Variants in STAT1 observed in about 807,000 individuals in gnomAD.
STAT1 encodes the protein signal transducer and activator of transcription 1-alpha/beta.
Under a neutral mutation model 111.7 loss-of-function variants are expected in STAT1, and 24 were observed. The ratio of observed to expected loss-of-function variants is 0.21; its 90% CI spans 0.16 to 0.30. The LOEUF (loss-of-function observed/expected upper bound fraction) is 0.30, where lower values mean the gene tolerates loss of function less well. Ranked by LOEUF, STAT1 falls within the 10% of genes least tolerant of loss-of-function variation. The pLI is 1.00. For synonymous variants in STAT1, 332 were observed against 326.5 expected (o/e 1.02, Z -0.18); for missense variants, 351 against 911.9 (o/e 0.38, Z 7.92).
rs2280232 is a variant in STAT1 at position 190,986,040 on chromosome 2, C to A, written c.1222-380G>T. 0.74 allele frequency among the ~76,000 whole-genome samples: 112,030 copies of A among 152,034 alleles called. 41,462 individuals carry two copies. Among genetic ancestry groups the A allele is most frequent in the East Asian group, 0.83 (4,285 of 5,146 alleles). ...GCTGGGCCCAGTGACTCCAGGTCCA[C>A]CTGCCCTCAAGTGGACGTCAATCTC... On this transcript the variant is annotated intron_variant, in intron 14 of 24. Transcript: ENST00000361099. This position sits in a 1 kb window ranked among gnomAD's most constrained non-coding sequence, Gnocchi z 5.0.
chr2:190,980,312 C>T lies in STAT1; in HGVS notation c.1632+308G>A, dbSNP rs41413547. 1.3e-5 allele frequency among the ~76,000 whole-genome samples: 2 copies of T among 152,356 alleles called. No individual in the cohort carries two copies. The highest frequency in any genetic ancestry group is 2.9e-5 in the Non-Finnish European group (2 of 68,022). ...GCTGGTCAGGCTGCGCCACCCAGCC[C>T]ACAACATACATTTCACACAGAAATG... On this transcript the variant is annotated intron_variant, in intron 19 of 24. Coordinates refer to ENST00000361099, the MANE Select transcript of STAT1 (RefSeq NM_007315.4). The surrounding 1 kb of genome is among the most constrained non-coding windows in gnomAD (Gnocchi z 6.1).
At chr2:191,001,497 C>CTTAAAG (rs1694269723) in intron 5 of STAT1, among the ~76,000 whole-genome samples, 5 of 152,186 alleles carry the variant, frequency 3.3e-5, no homozygotes, top group African/African-American at 1.2e-4. Context: ...TTAACTCAGT[C>CTTAAAG]CTTATTTATC....
chr2:190,985,570 G>C (rs753445821), intron 15 of STAT1, 49 bp downstream of exon 15: 10 of 1,608,740 alleles, frequency 6.2e-6, no homozygotes, highest in Non-Finnish European at 8.5e-7. Flanking sequence ...GTCCTTGCTA[G>C]ACAGACCTGC....
rs1237453137 is a variant in STAT1, at chr2:191,007,857, A to G, written c.274-196T>C. ...ATGACAAAAATTGCTTTAACTTTCT[A>G]AGTGCAGGTACCTAACGTACTTTTT... On this transcript the variant is annotated intron_variant, in intron 4 of 24. Coordinates refer to ENST00000361099, the MANE Select transcript of STAT1 (RefSeq NM_007315.4). This position sits in a 1 kb window ranked among gnomAD's most constrained non-coding sequence, Gnocchi z 4.2. Among the ~76,000 whole-genome samples, 1 of 152,216 alleles carries G rather than the reference A, an allele frequency of 6.6e-6. No homozygotes were observed. Among genetic ancestry groups the G allele is most frequent in the Non-Finnish European group, 1.5e-5 (1 of 68,040 alleles).
intron 1 of STAT1, 77 bp from the exon 2 acceptor site, chr2:191,013,755 G>A (rs1695320614): frequency 5.0e-6 from 2 of 398,574 alleles, no homozygotes; most frequent in Admixed American, 4.4e-5. Context: ...AAGGTGCAGT[G>A]CCTTCTAGAG....
intron 5 of STAT1, among the ~76,000 whole-genome samples, chr2:191,001,583 A>G (rs1694274051): frequency 6.6e-6 from 1 of 152,210 alleles, no homozygotes; most frequent in South Asian, 2.1e-4. Flanking sequence ...GGAAAATCTC[A>G]AGGGCTAATA....
chr2:190,988,081 C>T lies in STAT1; in HGVS notation c.1098-1013G>A, dbSNP rs1389504668. Among the ~76,000 whole-genome samples the T allele has an allele frequency of 2.0e-5, 3 of 152,302 alleles. No individual in the cohort carries two copies. The East Asian group carries it at 5.8e-4, about 29-fold the overall frequency. ...GAAGTAGGATATACTTCCCCATCCC[C>T]CGAATCTCAGCTGGCCTTGATTTGC... On this transcript the variant is annotated intron_variant, in intron 12 of 24. Coordinates refer to ENST00000361099, the MANE Select transcript of STAT1 (RefSeq NM_007315.4).
chr2:191,001,819 G>T (rs948284051), intron 5 of STAT1, among the ~76,000 whole-genome samples: 4 of 152,140 alleles, frequency 2.6e-5, no homozygotes, highest in African/African-American at 9.7e-5. Context: ...GATGTACCCT[G>T]CACATACTAG....
Position 190,980,755 on chromosome 2 carries a change from A to C in STAT1, c.1583-86T>G. On this transcript the variant is annotated intron_variant, in intron 18 of 24. Coordinates refer to ENST00000361099, the MANE Select transcript of STAT1 (RefSeq NM_007315.4). This position sits in a 1 kb window ranked among gnomAD's most constrained non-coding sequence, Gnocchi z 6.1. ...ACGGATGGCTCTTGTATTTGCTCTCAAGGAAAAGAGCCAAACACCCAACAA... is the reference window on the plus strand; with the variant it reads ...ACGGATGGCTCTTGTATTTGCTCTCCAGGAAAAGAGCCAAACACCCAACAA... 2.8e-5 allele frequency: 38 copies of C among 1,368,270 alleles called. No homozygotes were observed. Among genetic ancestry groups the C allele is most frequent in the Non-Finnish European group, 3.5e-5 (34 of 962,540 alleles). The allele number at this position is 1,368,270 out of a possible 1,614,324, so 84.8% of individuals were successfully genotyped here. A position where few individuals can be genotyped will look rare whatever the true frequency, so the allele number is the denominator to read the frequency against.
rs764766380 is a variant in STAT1 at position 190,982,408 on chromosome 2, C to T, written c.1557G>A (p.Leu519=). ...VTKRGLNVDQ[L]NMLGEKLLGP... ...CAAGAAGCTTCTCTCCCAACATGTT[C>T]AGCTGGTCCACATTGAGACCTCTTT... The change falls in exon 18 of 25, where the codon CTG becomes CTA. Residue 519 remains leucine, a synonymous_variant. Coordinates refer to ENST00000361099, the MANE Select transcript of STAT1 (RefSeq NM_007315.4). The surrounding 1 kb of genome is among the most constrained non-coding windows in gnomAD (Gnocchi z 7.3). 3.1e-6 allele frequency: 5 copies of T among 1,614,052 alleles called. No individual in the cohort carries two copies. Among genetic ancestry groups the T allele is most frequent in the Non-Finnish European group, 4.2e-6 (5 of 1,180,030 alleles).
Position 190,990,406 on chromosome 2 carries a change from G to A in STAT1, c.1038-732C>T, listed in dbSNP as rs1693219669. Among the ~76,000 whole-genome samples the A allele has an allele frequency of 6.6e-6, 1 of 152,034 alleles. No homozygotes were observed. Among genetic ancestry groups the A allele is most frequent in the African/African-American group, 2.4e-5 (1 of 41,374 alleles). On this transcript the variant is annotated intron_variant, in intron 11 of 24. Coordinates refer to ENST00000361099, the MANE Select transcript of STAT1 (RefSeq NM_007315.4). This position sits in a 1 kb window ranked among gnomAD's most constrained non-coding sequence, Gnocchi z 5.1. ...AAAAAGGACCCGGGCCAACTATGAA[G>A]GCCAGTCCAGTTCTTCAGCGTCTAG...
At position 191,007,897 on chromosome 2, in the gene STAT1, T is replaced by C; in HGVS notation, c.274-236A>G. The C allele has an allele frequency of 1.8e-6, 1 of 560,506 alleles. No homozygotes were observed. Among genetic ancestry groups the C allele is most frequent in the Non-Finnish European group, 3.2e-6 (1 of 309,920 alleles). 34.7% of individuals were successfully genotyped at this position (560,506 alleles called of 1,614,324 possible). ...ACGTACTTTTTGATTTAAAAACAAG[T>C]ATTTTCACATATGGTTCACATAATA... On this transcript the variant is annotated intron_variant, in intron 4 of 24. Transcript: ENST00000361099. This position sits in a 1 kb window ranked among gnomAD's most constrained non-coding sequence, Gnocchi z 4.2.
At position 190,996,067 on chromosome 2, in the gene STAT1, A is replaced by G. The variant is rs1693833435; in HGVS notation, c.786-848T>C. Among the ~76,000 whole-genome samples, 1 of 152,142 alleles carries G rather than the reference A, an allele frequency of 6.6e-6. No individual in the cohort carries two copies. The highest frequency in any genetic ancestry group is 1.5e-5 in the Non-Finnish European group (1 of 68,008). ...GGGCAGGAGGAGAGACAGAGATGGG[A>G]GACAAGGCCGGGGACAGGAAGAGAG... On this transcript the variant is annotated intron_variant, in intron 9 of 24. Transcript: ENST00000361099. This position sits in a 1 kb window ranked among gnomAD's most constrained non-coding sequence, Gnocchi z 4.5.
Position 190,990,473 on chromosome 2 carries a change from CAATGGA to C in STAT1, c.1037+749_1037+754del, listed in dbSNP as rs1432089563. On this transcript the variant is annotated intron_variant, in intron 11 of 24. Coordinates refer to ENST00000361099, the MANE Select transcript of STAT1 (RefSeq NM_007315.4). This position sits in a 1 kb window ranked among gnomAD's most constrained non-coding sequence, Gnocchi z 5.1. Reference sequence around the variant, plus strand: ...GAATGCTTAAAGCAATGCAGCCATTCAATGGAAGAAAGTAAAGCCACATATTCCTGG... The same window carrying C: ...GAATGCTTAAAGCAATGCAGCCATTCAGAAAGTAAAGCCACATATTCCTGG... 6.6e-6 allele frequency among the ~76,000 whole-genome samples: 1 copy of C among 152,124 alleles called. No homozygotes were observed. The highest frequency in any genetic ancestry group is 1.5e-5 in the Non-Finnish European group (1 of 68,018).
chr2:190,978,991 C>A lies in STAT1; in HGVS notation c.1738G>T (p.Gly580Cys). 6.2e-7 allele frequency: 1 copy of A among 1,614,140 alleles called. No individual in the cohort carries two copies. Among genetic ancestry groups the A allele is most frequent in the Non-Finnish European group, 8.5e-7 (1 of 1,180,030 alleles). ...CGCTCTCGCTCCTTGCTGATGAAGC[C>A]CATGATGCACCTGGATATCGAAGAG... ...LPLWNDGCIM[G>C]FISKERERAL... is the part of the protein sequence containing the mutation. The change falls in exon 21 of 25, where the codon GGC (glycine) becomes TGC (cysteine). Residue 580 changes from glycine (G) to cysteine (C), a missense_variant. By Grantham distance (159) the Gly-to-Cys change is radical. Transcript: ENST00000361099. The surrounding 1 kb of genome is among the most constrained non-coding windows in gnomAD (Gnocchi z 6.1).
Position 190,978,649 on chromosome 2 carries a change from C to G in STAT1, c.1873+207G>C. 1.5e-6 allele frequency: 1 copy of G among 668,634 alleles called. No homozygotes were observed. The allele number at this position is 668,634 out of a possible 1,614,324, so 41.4% of individuals were successfully genotyped here. A position where few individuals can be genotyped will look rare whatever the true frequency, so the allele number is the denominator to read the frequency against. On this transcript the variant is annotated intron_variant, in intron 21 of 24. Transcript: ENST00000361099. The surrounding 1 kb of genome is among the most constrained non-coding windows in gnomAD (Gnocchi z 6.1). Reference sequence around the variant, plus strand: ...ATTGGCATTGTCTTTTCAAAACCATCATTTCCACAATATGTTCCAGAGAGT... The same window carrying G: ...ATTGGCATTGTCTTTTCAAAACCATGATTTCCACAATATGTTCCAGAGAGT...
chr2:191,013,872 A>C (rs1695332475), intron 1 of STAT1, 146 bp downstream of exon 1: 1 of 388,210 alleles, frequency 2.6e-6, no homozygotes, highest in Non-Finnish European at 4.5e-6. Flanking sequence ...TCGCACTTGG[A>C]ATACTCAGGA....
Position 190,979,701 on chromosome 2 carries a change from G to T in STAT1, c.1727+71C>A. On this transcript the variant is annotated intron_variant, in intron 20 of 24. Coordinates refer to ENST00000361099, the MANE Select transcript of STAT1 (RefSeq NM_007315.4). This position sits in a 1 kb window ranked among gnomAD's most constrained non-coding sequence, Gnocchi z 5.8. Reference sequence around the variant, plus strand: ...ACACGCCTAGTCAAATACTGAAGCTGGACTCAGGCCTTGTCTCAACCTCGC... The same window carrying T: ...ACACGCCTAGTCAAATACTGAAGCTTGACTCAGGCCTTGTCTCAACCTCGC... The T allele has an allele frequency of 8.2e-7, 1 of 1,221,510 alleles. No homozygotes were observed. Among genetic ancestry groups the T allele is most frequent in the South Asian group, 1.2e-5 (1 of 82,562 alleles). The allele number at this position is 1,221,510 out of a possible 1,614,324, so 75.7% of individuals were successfully genotyped here.
Position 190,975,776 on chromosome 2 carries a change from G to A in STAT1, c.2135+36C>T, listed in dbSNP as rs748181005. On this transcript the variant is annotated intron_variant, in intron 23 of 24. Transcript: ENST00000361099. This position sits in a 1 kb window ranked among gnomAD's most constrained non-coding sequence, Gnocchi z 5.9. ...CCAGCCAGGAGCAAGGCTGGCTTGA[G>A]GTTTGTAAACATGTCACTCTTCTGT... 1.2e-6 allele frequency: 2 copies of A among 1,613,732 alleles called. No individual in the cohort carries two copies. The highest frequency in any genetic ancestry group is 2.2e-5 in the East Asian group (1 of 44,842).
Sources: gnomAD v4.1 joint callset for allele counts (sites outside exome capture counted in the v4.1 genomes callset) on GRCh38, gnomAD v4.1.1 for gene constraint, Gnocchi (gnomAD v3.1) non-coding constraint, MANE v1.5 for transcripts, NCBI Gene and HGNC (gene_info 2026-07-23, HGNC 2026-07-21) for gene names.